MYO16: variants seen among roughly 807,000 people sequenced by gnomAD.
MYO16 encodes the protein myosin XVI.
A neutral mutation model predicts 205.3 loss-of-function variants in MYO16; 94 were observed. The observed-to-expected ratio is 0.46, with a 90% confidence interval of 0.39 to 0.54. The LOEUF (loss-of-function observed/expected upper bound fraction) is 0.54, where lower values mean the gene tolerates loss of function less well. Among genes scored for constraint, MYO16 ranks in the 20% least tolerant of loss-of-function variants. The pLI is 0.00. For missense variants in MYO16, 2,315 were observed against 2,387.5 expected, an observed-to-expected ratio of 0.97 and a Z score of 0.63; for synonymous variants, 988 against 954.0, an observed-to-expected ratio of 1.04 and a Z score of -0.66.
At position 109,011,334 on chromosome 13, in the gene MYO16, G is replaced by A. The variant is rs77965451; in HGVS notation, c.2595+2285G>A. On this transcript the variant is annotated intron_variant, in intron 22 of 34. Transcript: ENST00000457511. Reference sequence around the variant, plus strand: ...ATTGCTGAGTATCTTCAAGAAGCACGCTCTGCTGTGTGAGCCCCACCAGGG... The same window carrying A: ...ATTGCTGAGTATCTTCAAGAAGCACACTCTGCTGTGTGAGCCCCACCAGGG... 2.7e-3 allele frequency among the ~76,000 whole-genome samples: 407 copies of A among 152,174 alleles called. 4 individuals are homozygous for A. The highest frequency in any genetic ancestry group is 9.4e-3 in the African/African-American group (392 of 41,536).
upstream of MYO16, among the ~76,000 whole-genome samples, chr13:108,591,187 A>T (rs1042273641): frequency 6.6e-6 from 1 of 152,082 alleles, no homozygotes; most frequent in African/African-American, 2.4e-5. Context: ...GATCACCAGG[A>T]GAGTCCCAGG....
intron 11 of MYO16, among the ~76,000 whole-genome samples, chr13:108,856,867 A>G (rs1195775158): frequency 3.3e-5 from 5 of 152,172 alleles, no homozygotes; most frequent in African/African-American, 4.8e-5. Flanking sequence ...CAATCTCACA[A>G]TGAACTAGAG....
At chr13:108,928,698 A>C (rs1355598719) in intron 16 of MYO16, among the ~76,000 whole-genome samples, 1 of 152,240 alleles carries the variant, frequency 6.6e-6, no homozygotes, top group East Asian at 1.9e-4. Flanking sequence ...TAAAATAAAA[A>C]TTCATAGAAA....
chr13:108,814,038 G>A (rs960946008), intron 7 of MYO16, among the ~76,000 whole-genome samples: 17 of 152,220 alleles, frequency 1.1e-4, no homozygotes, highest in African/African-American at 4.1e-4. Flanking sequence ...TATTTTTACA[G>A]GCCTGAAATA....
chr13:109,148,273 G>A (rs895426611), intron 32 of MYO16, among the ~76,000 whole-genome samples: 1 of 152,144 alleles, frequency 6.6e-6, no homozygotes, highest in Non-Finnish European at 1.5e-5. Context: ...CTAAGGATTT[G>A]TTGTGAATGT....
intron 16 of MYO16, among the ~76,000 whole-genome samples, chr13:108,921,284 G>T (rs1288969790): frequency 6.6e-6 from 1 of 152,170 alleles, no homozygotes; most frequent in Non-Finnish European, 1.5e-5. Context: ...TGACAGACCT[G>T]CTGGGTGGGT....
chr13:108,998,304 G>C (rs963030704), intron 21 of MYO16, among the ~76,000 whole-genome samples: 4 of 152,144 alleles, frequency 2.6e-5, no homozygotes, highest in African/African-American at 9.7e-5. Flanking sequence ...TTCTGGCTTA[G>C]TTGCATCAGT....
At chr13:108,621,775 C>A (rs1221473780) in intron 1 of MYO16, among the ~76,000 whole-genome samples, 1 of 152,094 alleles carries the variant, frequency 6.6e-6, no homozygotes, top group Non-Finnish European at 1.5e-5. Flanking sequence ...CACATCATCA[C>A]AAGAAGAAGA....
intron 4 of MYO16, among the ~76,000 whole-genome samples, chr13:108,761,092 A>T (rs2139656702): frequency 6.6e-6 from 1 of 152,284 alleles, no homozygotes; most frequent in Non-Finnish European, 1.5e-5. Flanking sequence ...TTATCTGTTG[A>T]TGGATACCTA....
chr13:108,874,149 G>A (rs1879209239), intron 12 of MYO16, among the ~76,000 whole-genome samples: 1 of 151,966 alleles, frequency 6.6e-6, no homozygotes, highest in South Asian at 2.1e-4. Context: ...TGTATTGAGG[G>A]TGTGTAACCC....
At chr13:108,566,414 C>CT in the MYO16 span, among the ~76,000 whole-genome samples, 1 of 151,178 alleles carries the variant, frequency 6.6e-6, no homozygotes, top group African/African-American at 2.4e-5. Flanking sequence ...AGTTTTTTCT[C>CT]TTTTTTTCTT....
At chr13:108,640,343 G>A (rs948617149) in intron 1 of MYO16, among the ~76,000 whole-genome samples, 2 of 152,158 alleles carry the variant, frequency 1.3e-5, no homozygotes, top group Admixed American at 6.6e-5. Flanking sequence ...CATTAGTGAT[G>A]TAGACGTAGA....
At chr13:108,914,968 T>C (rs1004849201) in intron 16 of MYO16, among the ~76,000 whole-genome samples, 1 of 152,258 alleles carries the variant, frequency 6.6e-6, no homozygotes, top group Non-Finnish European at 1.5e-5. Context: ...TCATTAAAGC[T>C]ACAAAAGTGC....
At chr13:109,056,099 C>T (rs1005814519) in intron 27 of MYO16, 1 of 157,486 alleles carries the variant, frequency 6.3e-6, no homozygotes, top group Non-Finnish European at 1.4e-5. Flanking sequence ...TTTTGCACTG[C>T]AATAGAGATA....
At chr13:109,008,097 A>G (rs1418156068) in intron 21 of MYO16, among the ~76,000 whole-genome samples, 1 of 152,256 alleles carries the variant, frequency 6.6e-6, no homozygotes, top group African/African-American at 2.4e-5. Flanking sequence ...GAATAGTTAG[A>G]TGATATGGTA....
At chr13:109,032,702 A>T (rs561946617) in intron 23 of MYO16, among the ~76,000 whole-genome samples, 1 of 152,164 alleles carries the variant, frequency 6.6e-6, no homozygotes, top group African/African-American at 2.4e-5. Context: ...ATCAAATACC[A>T]CTACTGACAG....
At chr13:108,559,654 T>C in the MYO16 span, among the ~76,000 whole-genome samples, 2 of 151,672 alleles carry the variant, frequency 1.3e-5, no homozygotes, top group East Asian at 3.9e-4. Context: ...TTTGTATTTT[T>C]AGTAGAGACG....
chr13:108,556,885 C>G, the MYO16 span, among the ~76,000 whole-genome samples: 19 of 152,126 alleles, frequency 1.2e-4, no homozygotes, highest in Admixed American at 1.1e-3. Flanking sequence ...CACCTACTGA[C>G]AGGACTCTTC....
chr13:108,733,098 T>G (rs1041549027), intron 4 of MYO16, among the ~76,000 whole-genome samples: 26 of 152,194 alleles, frequency 1.7e-4, no homozygotes, highest in African/African-American at 6.0e-4. Context: ...TTTATTGATT[T>G]GTGAGGTGAT....
Sources: gnomAD v4.1 joint callset for allele counts (sites outside exome capture counted in the v4.1 genomes callset) on GRCh38, gnomAD v4.1.1 for gene constraint, MANE v1.5 for transcripts, NCBI Gene and HGNC (gene_info 2026-07-23, HGNC 2026-07-21) for gene names.